The following HECW1 variants were observed in gnomAD, a reference collection of about 807,000 sequenced individuals.
HECW1 encodes HECT, C2 and WW domain containing E3 ubiquitin protein ligase 1.
HECW1 carries 61 observed loss-of-function variants against 182.3 expected under a neutral mutation model. That is an observed-to-expected ratio of 0.33 (90% CI 0.27 to 0.41). The LOEUF is 0.41. HECW1 is among the 10% of genes least tolerant of loss of function. The pLI, the probability that HECW1 is intolerant of heterozygous loss-of-function variation, is 1.00. For missense variants in HECW1, 1,739 were observed against 2,108.9 expected, an observed-to-expected ratio of 0.82 and a Z score of 3.44; for synonymous variants, 859 against 832.6, an observed-to-expected ratio of 1.03 and a Z score of -0.55.
At chr7:43,443,444 A>G (rs182553617) in intron 10 of HECW1, among the ~76,000 whole-genome samples, 1 of 152,350 alleles carries the variant, frequency 6.6e-6, no homozygotes, top group African/African-American at 2.4e-5. Flanking sequence ...TGAGAATACA[A>G]CTGACTCTTC....
intron 3 of HECW1, among the ~76,000 whole-genome samples, chr7:43,253,506 C>T (rs1800249336): frequency 6.6e-6 from 1 of 152,192 alleles, no homozygotes; most frequent in African/African-American, 2.4e-5. Context: ...AGAATAAACC[C>T]TATTATTTTA....
intron 2 of HECW1, among the ~76,000 whole-genome samples, chr7:43,192,040 A>G (rs1583895893): frequency 6.6e-6 from 1 of 151,568 alleles, no homozygotes; most frequent in Admixed American, 6.6e-5. Context: ...GCTCACTGCA[A>G]CCTCCGCCTC....
intron 2 of HECW1, among the ~76,000 whole-genome samples, chr7:43,191,428 TG>T (rs1358296409): frequency 6.6e-6 from 1 of 152,236 alleles, no homozygotes; most frequent in Non-Finnish European, 1.5e-5. Context: ...AGAGCCAGAA[TG>T]GGGACATGCG....
chr7:43,519,044 T>C, intron 24 of HECW1, among the ~76,000 whole-genome samples: 1 of 152,188 alleles, frequency 6.6e-6, no homozygotes, highest in East Asian at 1.9e-4. Context: ...ATTCAGTACT[T>C]TTGTAATAAC....
chr7:43,154,619 G>A (rs1433327299), intron 2 of HECW1, among the ~76,000 whole-genome samples: 1 of 152,136 alleles, frequency 6.6e-6, no homozygotes, highest in Admixed American at 6.5e-5. Flanking sequence ...GGAAACATTA[G>A]TATGCATTTG....
intron 2 of HECW1, among the ~76,000 whole-genome samples, chr7:43,201,093 C>A (rs996666624): frequency 2.6e-5 from 4 of 152,108 alleles, no homozygotes; most frequent in Non-Finnish European, 5.9e-5. Flanking sequence ...AGCTTGAAGA[C>A]CGTGGACAAA....
chr7:43,518,249 C>A (rs974761813), intron 24 of HECW1, among the ~76,000 whole-genome samples: 1 of 152,150 alleles, frequency 6.6e-6, no homozygotes, highest in Non-Finnish European at 1.5e-5. Flanking sequence ...AATTCCAACA[C>A]TTTAGGAGGC....
chr7:43,514,782 G>A (rs982433613), intron 24 of HECW1, among the ~76,000 whole-genome samples: 1 of 152,126 alleles, frequency 6.6e-6, no homozygotes, highest in Non-Finnish European at 1.5e-5. Flanking sequence ...ACCAGGCACT[G>A]TCTAACAACA....
chr7:43,180,685 G>T (rs1028190917), intron 2 of HECW1, among the ~76,000 whole-genome samples: 1 of 152,174 alleles, frequency 6.6e-6, no homozygotes, highest in African/African-American at 2.4e-5. Flanking sequence ...GTGAGCCACC[G>T]CGCCTGGCCA....
chr7:43,533,222 C>A (rs2081060054), intron 24 of HECW1, among the ~76,000 whole-genome samples: 1 of 152,068 alleles, frequency 6.6e-6, no homozygotes, highest in Non-Finnish European at 1.5e-5. Context: ...GGCTGAGGAA[C>A]CAACTCTATT....
At chr7:43,517,243 C>A (rs1227499265) in intron 24 of HECW1, among the ~76,000 whole-genome samples, 1 of 152,176 alleles carries the variant, frequency 6.6e-6, no homozygotes, top group Non-Finnish European at 1.5e-5. Context: ...TCTAACCTTA[C>A]AGTTGTCACA....
At position 43,542,997 on chromosome 7, in the gene HECW1, A is replaced by G. The variant is rs1315636546; in HGVS notation, c.4248+999A>G. On this transcript the variant is annotated intron_variant, in intron 26 of 29. Transcript: ENST00000395891. ...AAATGATTCTTTTTATCACATCCAG[A>G]TAGCTACTCCTCCAAAATACATATA... Among the ~76,000 whole-genome samples, 3 of 152,216 alleles carry G rather than the reference A, an allele frequency of 2.0e-5. No individual in the cohort carries two copies. The East Asian group carries it at 5.8e-4, about 29-fold the overall frequency.
rs1054006232 is a variant in HECW1 at position 43,340,662 on chromosome 7, T to C, written c.460+19920T>C. Among the ~76,000 whole-genome samples, 7 of 151,852 alleles carry C rather than the reference T, an allele frequency of 4.6e-5. No individual in the cohort carries two copies. The South Asian group carries it at 1.5e-3, about 31-fold the overall frequency. On this transcript the variant is annotated intron_variant, in intron 5 of 29. Coordinates refer to ENST00000395891, the MANE Select transcript of HECW1 (RefSeq NM_015052.5). ...AATTTAGAATTGGCCCCCTGACACG[T>C]GAAGTAAGTATTTCCCCTAAATTAA...
chr7:43,222,177 T>G (rs1797038855), intron 2 of HECW1, among the ~76,000 whole-genome samples: 1 of 152,112 alleles, frequency 6.6e-6, no homozygotes, highest in South Asian at 2.1e-4. Flanking sequence ...CTTCGGTACT[T>G]AGTAAAGCTC....
chr7:43,227,287 AT>A (rs11361472), intron 2 of HECW1, among the ~76,000 whole-genome samples: 3,163 of 151,138 alleles, frequency 0.021, 117 homozygotes, highest in African/African-American at 0.072. Flanking sequence ...ACAAATGGTC[AT>A]TTTTTTTTAG....
chr7:43,304,163 GC>G (rs1807224396), intron 3 of HECW1, among the ~76,000 whole-genome samples: 1 of 152,102 alleles, frequency 6.6e-6, no homozygotes, highest in Non-Finnish European at 1.5e-5. Context: ...GACCAGCAGG[GC>G]CCAGCAGCAA....
intron 2 of HECW1, among the ~76,000 whole-genome samples, chr7:43,216,209 A>C (rs1796426540): frequency 1.3e-5 from 2 of 151,350 alleles, no homozygotes; most frequent in Non-Finnish European, 3.0e-5. Context: ...GCAGTGGTGC[A>C]ACCTGGGCTC....
rs1304240928 is a variant in HECW1, at chr7:43,203,978, C to G, written c.-31-39897C>G. ...GCACAAATTGAATTATAAATGGACT[C>G]TTTTTGTCTTACCTAAAGAATTTAT... On this transcript the variant is annotated intron_variant, in intron 2 of 29. Coordinates refer to ENST00000395891, the MANE Select transcript of HECW1 (RefSeq NM_015052.5). 2.0e-5 allele frequency among the ~76,000 whole-genome samples: 3 copies of G among 152,112 alleles called. No individual in the cohort carries two copies. The East Asian group carries it at 5.8e-4, about 29-fold the overall frequency.
At chr7:43,289,093 C>T (rs1805038039) in intron 3 of HECW1, among the ~76,000 whole-genome samples, 1 of 147,918 alleles carries the variant, frequency 6.8e-6, no homozygotes, top group Non-Finnish European at 1.5e-5. Flanking sequence ...CCATCTCCAA[C>T]ACTTTCTCTT....
Sources: gnomAD v4.1 joint callset for allele counts (sites outside exome capture counted in the v4.1 genomes callset) on GRCh38, gnomAD v4.1.1 for gene constraint, MANE v1.5 for transcripts, NCBI Gene and HGNC (gene_info 2026-07-23, HGNC 2026-07-21) for gene names.